L3MBTL3: variants seen among roughly 807,000 people sequenced by gnomAD.
L3MBTL3 encodes L3MBTL histone methyl-lysine binding protein 3.
L3MBTL3 carries 27 observed loss-of-function variants against 102.3 expected under a neutral mutation model. The observed-to-expected ratio is 0.26, with a 90% confidence interval of 0.19 to 0.36. L3MBTL3 has a LOEUF of 0.36. L3MBTL3 is among the 10% of genes least tolerant of loss of function. The probability of loss-of-function intolerance (pLI) is 1.00; values close to 1 mark genes in which losing one functional copy is unlikely to be tolerated. For missense variants in L3MBTL3, 798 were observed against 955.3 expected, an observed-to-expected ratio of 0.84 and a Z score of 2.17; for synonymous variants, 340 against 320.9, an observed-to-expected ratio of 1.06 and a Z score of -0.64.
chr6:130,091,894 A>G (rs1238901902), intron 16 of L3MBTL3, among the ~76,000 whole-genome samples: 4 of 152,026 alleles, frequency 2.6e-5, no homozygotes, highest in African/African-American at 9.7e-5. Flanking sequence ...GGGGGTGATT[A>G]ACAGGCGCAA....
At chr6:130,070,160 G>A (rs1241367103) in intron 12 of L3MBTL3, among the ~76,000 whole-genome samples, 1 of 151,046 alleles carries the variant, frequency 6.6e-6, no homozygotes, top group African/African-American at 2.5e-5. Context: ...CTTGTAGTGT[G>A]TTGTGATTTG....
intron 1 of L3MBTL3, among the ~76,000 whole-genome samples, chr6:130,021,138 A>G (rs576758913): frequency 6.6e-6 from 1 of 152,260 alleles, no homozygotes; most frequent in South Asian, 2.1e-4. Flanking sequence ...TTAGAAAAAC[A>G]CTGACTCGAG....
chr6:130,109,784 G>A (rs528277018), intron 19 of L3MBTL3, among the ~76,000 whole-genome samples: 24 of 152,254 alleles, frequency 1.6e-4, no homozygotes, highest in African/African-American at 5.8e-4. Context: ...CTTTGCCCAT[G>A]CCTATGTCCT....
chr6:130,056,321 G>A lies in L3MBTL3; in HGVS notation c.667+1066G>A, dbSNP rs897205905. ...CCTTCCCTTTAGTATTTGTCTTGAT[G>A]TACTTTTCTGCTTATTCTGTGTGGA... On this transcript the variant is annotated intron_variant, in intron 8 of 22. Transcript: ENST00000361794. Among the ~76,000 whole-genome samples the A allele has an allele frequency of 2.0e-5, 3 of 152,076 alleles. No homozygotes were observed. In the East Asian group the frequency reaches 5.8e-4, roughly 29 times the overall value.
intron 19 of L3MBTL3, among the ~76,000 whole-genome samples, chr6:130,114,341 T>G (rs1394796842): frequency 6.6e-6 from 1 of 152,194 alleles, no homozygotes; most frequent in African/African-American, 2.4e-5. Flanking sequence ...CTCTATCTCC[T>G]TGAATATCAC....
In L3MBTL3 at chr6:130,137,933, C is replaced by T. The variant is rs536042997; in HGVS notation, c.2200-1677C>T. 8 of 152,328 alleles carry T rather than the reference C, an allele frequency of 5.3e-5. No individual in the cohort carries two copies. In the South Asian group the frequency reaches 1.7e-3, roughly 32 times the overall value. The allele number at this position is 152,328 out of a possible 1,614,324, so 9.4% of individuals were successfully genotyped here. A position where few individuals can be genotyped will look rare whatever the true frequency, so the allele number is the denominator to read the frequency against. Reference sequence around the variant, plus strand: ...CCAATGTTTCCAGAAAACAGGAGAACATTTCTCATACCTGCCGCTTAACGG... The same window carrying T: ...CCAATGTTTCCAGAAAACAGGAGAATATTTCTCATACCTGCCGCTTAACGG... On this transcript the variant is annotated intron_variant, in intron 22 of 22. Coordinates refer to ENST00000361794, the MANE Select transcript of L3MBTL3 (RefSeq NM_032438.4).
intron 11 of L3MBTL3, among the ~76,000 whole-genome samples, chr6:130,066,694 TA>T (rs1782283955): frequency 6.6e-6 from 1 of 152,188 alleles, no homozygotes. Flanking sequence ...TTCATATGCT[TA>T]TTTTCATGTA....
intron 22 of L3MBTL3, chr6:130,137,829 C>T (rs778609466): frequency 6.6e-6 from 1 of 152,152 alleles, no homozygotes; most frequent in African/African-American, 2.4e-5. Context: ...CTTGGTTGAG[C>T]GAAGTGTTAA....
chr6:130,041,570 G>C (rs1243695672), intron 2 of L3MBTL3, among the ~76,000 whole-genome samples: 1 of 152,132 alleles, frequency 6.6e-6, no homozygotes, highest in African/African-American at 2.4e-5. Context: ...TGTTTGCTTT[G>C]AATGTCATTA....
At chr6:130,096,014 A>G (rs1010823456) in intron 18 of L3MBTL3, among the ~76,000 whole-genome samples, 7 of 152,202 alleles carry the variant, frequency 4.6e-5, no homozygotes, top group African/African-American at 1.7e-4. Flanking sequence ...ACAAGAACTA[A>G]TATTTATTGA....
intron 16 of L3MBTL3, among the ~76,000 whole-genome samples, chr6:130,087,843 T>G (rs969321425): frequency 1.4e-5 from 2 of 145,906 alleles, no homozygotes; most frequent in African/African-American, 5.0e-5. Context: ...TCTGCTGTTG[T>G]TTTTTTTTTT....
chr6:130,085,334 A>G (rs944963610), intron 15 of L3MBTL3, among the ~76,000 whole-genome samples: 2 of 151,894 alleles, frequency 1.3e-5, no homozygotes, highest in African/African-American at 4.8e-5. Context: ...TTTATGTTTG[A>G]TTGCTAATTT....
chr6:130,110,726 T>C (rs1293492937), intron 19 of L3MBTL3, among the ~76,000 whole-genome samples: 1 of 152,220 alleles, frequency 6.6e-6, no homozygotes, highest in East Asian at 1.9e-4. Context: ...CTTCCAATAC[T>C]ATGTTGAATA....
At chr6:130,061,119 C>T (rs1160054767) in intron 10 of L3MBTL3, among the ~76,000 whole-genome samples, 3 of 138,286 alleles carry the variant, frequency 2.2e-5, no homozygotes, top group South Asian at 4.6e-4. Flanking sequence ...GAGTCTCACT[C>T]TGTCACCCAG....
At chr6:130,025,914 CTTGGGCTCAGTATATTCCTAATCTAG>C (rs1326351865) in intron 2 of L3MBTL3, among the ~76,000 whole-genome samples, 4 of 152,060 alleles carry the variant, frequency 2.6e-5, no homozygotes, top group African/African-American at 9.7e-5. Context: ...AGCATCAATC[CTTGGGCTCAGTATATTCCTAATCTAG>C]TTGGGGAGAT....
rs150870340 is a variant in L3MBTL3, at chr6:130,114,539, G to T, written c.1887-6340G>T. 8.8e-3 allele frequency among the ~76,000 whole-genome samples: 1,335 copies of T among 152,170 alleles called. 13 individuals are homozygous for T. Among genetic ancestry groups the T allele is most frequent in the South Asian group, 0.022 (106 of 4,818 alleles). The stretch of plus-strand genomic sequence containing the variant: ...GAGGATTAATTGCTGAGTTTTTCTG[G>T]AGGGTTTTTCCTTGTTATCTTGGTA... On this transcript the variant is annotated intron_variant, in intron 19 of 22. Transcript: ENST00000361794.
At chr6:130,127,586 A>G (rs1205400486) in intron 20 of L3MBTL3, among the ~76,000 whole-genome samples, 13 of 152,078 alleles carry the variant, frequency 8.5e-5, no homozygotes, top group Admixed American at 8.5e-4. Flanking sequence ...ATCACTAAGA[A>G]TCAACATTTA....
At position 130,055,945 on chromosome 6, in the gene L3MBTL3, C is replaced by A. The variant is rs529925934; in HGVS notation, c.667+690C>A. 9.9e-4 allele frequency among the ~76,000 whole-genome samples: 126 copies of A among 127,064 alleles called. 1 individual carries two copies. The highest frequency in any genetic ancestry group is 3.3e-3 in the African/African-American group (115 of 34,534). 83.4% of individuals were successfully genotyped at this position (127,064 alleles called of 152,430 possible). ...CCTCCCCTCCCCTCCCCTCTCTTTT[C>A]GAGATGGATTCTCACTCTGTCACCC... On this transcript the variant is annotated intron_variant, in intron 8 of 22. Transcript: ENST00000361794.
chr6:130,038,292 G>T (rs1304253978), intron 2 of L3MBTL3, among the ~76,000 whole-genome samples: 1 of 151,892 alleles, frequency 6.6e-6, no homozygotes, highest in Non-Finnish European at 1.5e-5. Context: ...CCTGTAGTGG[G>T]ATCACTGGAT....
Sources: gnomAD v4.1 joint callset for allele counts (sites outside exome capture counted in the v4.1 genomes callset) on GRCh38, gnomAD v4.1.1 for gene constraint, MANE v1.5 for transcripts, NCBI Gene and HGNC (gene_info 2026-07-23, HGNC 2026-07-21) for gene names.